The following TAF1 variants were observed in gnomAD, a reference collection of about 807,000 sequenced individuals.
TAF1 encodes TATA-box binding protein associated factor 1, also known as transcription initiation factor TFIID subunit 1.
TAF1 carries 2 observed loss-of-function variants against 138.5 expected under a neutral mutation model. The ratio of observed to expected loss-of-function variants is 0.01; its 90% CI spans 0.01 to 0.05. The LOEUF (loss-of-function observed/expected upper bound fraction) is 0.05, where lower values mean the gene tolerates loss of function less well. Ranked by LOEUF, TAF1 falls within the 10% of genes least tolerant of loss-of-function variation. The pLI is 1.00. For synonymous variants in TAF1, 437 were observed against 503.2 expected (o/e 0.87, Z 1.76); for missense variants, 709 against 1,478.0 (o/e 0.48, Z 8.53).
chrX:71,507,916 G>T (rs1266018128), intron 13 of TAF1, among the ~76,000 whole-genome samples: 1 of 109,799 alleles, frequency 9.1e-6, no homozygotes, highest in African/African-American at 3.3e-5. Flanking sequence ...ACGTGAATCT[G>T]GGGTAGAGAT....
In TAF1 at chrX:71,428,317, C is replaced by T. The variant is rs757915668; in HGVS notation, c.4753+4079C>T. On this transcript the variant is annotated intron_variant, in intron 32 of 37. Coordinates refer to ENST00000423759, the MANE Select transcript of TAF1 (RefSeq NM_004606.5). ...AATGGTAGTGAGACAGGTGCTCTCA[C>T]GTATTGCTGTTGGCAGTATAAAATT... 2.2e-4 allele frequency among the ~76,000 whole-genome samples: 25 copies of T among 111,404 alleles called. 1 individual carries two copies. The highest frequency in any genetic ancestry group is 7.5e-4 in the South Asian group (2 of 2,670).
At chrX:71,448,058 G>T (rs908724803) in intron 32 of TAF1, among the ~76,000 whole-genome samples, 1 of 111,915 alleles carries the variant, frequency 8.9e-6, no homozygotes, top group Non-Finnish European at 1.9e-5. Context: ...TCGTGAGTGG[G>T]TAGCTTATTC....
At chrX:71,431,615 A>G (rs2036890635) in intron 32 of TAF1, among the ~76,000 whole-genome samples, 1 of 110,951 alleles carries the variant, frequency 9.0e-6, no homozygotes, top group African/African-American at 3.3e-5. Context: ...ACAAATTCCA[A>G]TATTTAAGAT....
Position 71,367,620 on chromosome X carries a change from T to C in TAF1, c.235+7T>C. On this transcript the variant is annotated splice_region_variant and intron_variant, in intron 2 of 37. Coordinates refer to ENST00000423759, the MANE Select transcript of TAF1 (RefSeq NM_004606.5). ...GCCTTGGTAAATGATGAAGGTGAAG[T>C]CTGGGTTGTGGGGAGTAGGCGGGGG... The C allele has an allele frequency of 8.3e-7, 1 of 1,210,067 alleles. No individual in the cohort carries two copies. The highest frequency in any genetic ancestry group is 1.7e-5 in the African/African-American group (1 of 57,563).
intron 18 of TAF1, among the ~76,000 whole-genome samples, chrX:71,389,926 A>G (rs1260388238): frequency 1.8e-5 from 2 of 110,629 alleles, no homozygotes; most frequent in South Asian, 3.8e-4. Flanking sequence ...CAGTGGTGGC[A>G]TGACCTCGAC....
intron 32 of TAF1, among the ~76,000 whole-genome samples, chrX:71,452,626 A>G (rs751286589): frequency 9.6e-6 from 1 of 103,942 alleles, no homozygotes; most frequent in Admixed American, 1.0e-4. Context: ...ATGGGCGGCC[A>G]GGCAGAGATG....
At chrX:71,366,580 G>A (rs1304586856) in intron 1 of TAF1, 86 bp downstream of exon 1, 6 of 970,084 alleles carry the variant, frequency 6.2e-6, no homozygotes, top group Non-Finnish European at 6.9e-6. Flanking sequence ...AGGGTGCTCA[G>A]GCAGCGAGAA....
At chrX:71,367,190 C>T (rs1289865101) in intron 1 of TAF1, among the ~76,000 whole-genome samples, 1 of 112,667 alleles carries the variant, frequency 8.9e-6, no homozygotes, top group Non-Finnish European at 1.9e-5. Context: ...CCCCCTGCCT[C>T]GGCCCTCGTT....
chrX:71,425,336 A>G (rs2036543331), intron 32 of TAF1, among the ~76,000 whole-genome samples: 1 of 111,980 alleles, frequency 8.9e-6, no homozygotes, highest in African/African-American at 3.2e-5. Context: ...AGAGACAATT[A>G]AAATGCAGCT....
chrX:71,424,085 C>A lies in TAF1; in HGVS notation c.4668+19C>A. The A allele has an allele frequency of 8.3e-7, 1 of 1,202,123 alleles. No homozygotes were observed. Among genetic ancestry groups the A allele is most frequent in the South Asian group, 1.8e-5 (1 of 56,565 alleles). ...ACGTAAGGTGAGTGAGTGATTTGAT[C>A]TAAATGCCTTTTTGTAATCAAGTGA... On this transcript the variant is annotated intron_variant, in intron 31 of 37. Transcript: ENST00000423759.
intron 32 of TAF1, among the ~76,000 whole-genome samples, chrX:71,434,589 A>G (rs2037048864): frequency 8.9e-6 from 1 of 112,041 alleles, no homozygotes; most frequent in Non-Finnish European, 1.9e-5. Context: ...AACACTCCAT[A>G]TAAAACACAT....
chrX:71,398,748 T>C lies in TAF1; in HGVS notation c.3786+11T>C. The stretch of plus-strand genomic sequence containing the variant: ...CGTCCTGACCTAAAAGTAAGTATAA[T>C]GTGGTGTGATTACAGCTAACGGAGC... On this transcript the variant is annotated intron_variant, in intron 24 of 37. Coordinates refer to ENST00000423759, the MANE Select transcript of TAF1 (RefSeq NM_004606.5). 2.1e-5 allele frequency: 25 copies of C among 1,187,485 alleles called. No homozygotes were observed. Among genetic ancestry groups the C allele is most frequent in the Non-Finnish European group, 2.7e-5 (24 of 886,190 alleles).
Position 71,388,836 on chromosome X carries a change from T to C in TAF1, c.2668T>C (p.Tyr890His), listed in dbSNP as rs1465809991. The C allele has an allele frequency of 8.3e-7, 1 of 1,208,698 alleles. No homozygotes were observed. The highest frequency in any genetic ancestry group is 1.1e-6 in the Non-Finnish European group (1 of 894,431). The change falls in exon 17 of 38, where the codon TAT (tyrosine) becomes CAT (histidine). Residue 890 changes from tyrosine to histidine, a missense_variant. Tyr to His is a moderately conservative substitution (Grantham distance 83). This residue lies in a region of TAF1 where 23 missense variants were observed against 24.4 expected (regional missense o/e 0.94). Coordinates refer to ENST00000423759, the MANE Select transcript of TAF1 (RefSeq NM_004606.5). ...GTCACCAGAGCAGTGCTGTGCTTAT[T>C]ATAGCATGATAGCTGCAGAGCAACG... The part of the protein sequence containing the change: ...MVSPEQCCAY[Y>H]SMIAAEQRLK...
At chrX:71,373,167 C>CT (rs1388371317) in intron 3 of TAF1, among the ~76,000 whole-genome samples, 1,103 of 90,493 alleles carry the variant, frequency 0.012, 23 homozygotes, top group African/African-American at 0.037. Flanking sequence ...TGCCTGGCCA[C>CT]TTTTTTTTTT....
intron 28 of TAF1, chrX:71,420,346 CTA>C: frequency 8.3e-7 from 1 of 1,197,756 alleles, no homozygotes. Context: ...TCTGAGAACT[CTA>C]TATATGCAAA....
At chrX:71,391,914 ACC>A (rs1370698598) in intron 18 of TAF1, among the ~76,000 whole-genome samples, 1 of 110,888 alleles carries the variant, frequency 9.0e-6, no homozygotes, top group African/African-American at 3.3e-5. Context: ...GGTGTGAGTC[ACC>A]ACACCTGGCC....
intron 13 of TAF1, among the ~76,000 whole-genome samples, chrX:71,514,186 C>T (rs1021335276): frequency 1.4e-4 from 16 of 111,055 alleles, no homozygotes; most frequent in African/African-American, 4.6e-4. Flanking sequence ...GAACGAATTC[C>T]GGACATACCT....
intron 25 of TAF1, among the ~76,000 whole-genome samples, chrX:71,402,279 TG>T (rs1360352770): frequency 8.9e-6 from 1 of 111,780 alleles, no homozygotes; most frequent in African/African-American, 3.3e-5. Flanking sequence ...GGCTAATTTT[TG>T]TATTTTTGTA....
chrX:71,479,592 GA>G (rs1465592071), intron 13 of TAF1, among the ~76,000 whole-genome samples: 1 of 110,079 alleles, frequency 9.1e-6, no homozygotes, highest in African/African-American at 3.3e-5. Context: ...TAAACAAAAA[GA>G]AAAAAAAGTA....
Sources: gnomAD v4.1 joint callset for allele counts (sites outside exome capture counted in the v4.1 genomes callset) on GRCh38, gnomAD v4.1.1 for gene constraint, gnomAD v4.1.1 regional missense constraint, MANE v1.5 for transcripts, NCBI Gene and HGNC (gene_info 2026-07-23, HGNC 2026-07-21) for gene names.